CCDC178: variants seen among roughly 807,000 people sequenced by gnomAD.
The protein encoded by CCDC178 is coiled-coil domain-containing protein 178.
A neutral mutation model predicts 117.4 loss-of-function variants in CCDC178; 126 were observed. The observed-to-expected ratio is 1.07, with a 90% CI of 0.93 to 1.24. CCDC178 has a LOEUF of 1.24. CCDC178 is among the 50% of genes most tolerant of loss of function. The pLI is 0.00. For synonymous variants in CCDC178, 283 were observed against 313.4 expected, an observed-to-expected ratio of 0.90 and a Z score of 1.02; for missense variants, 1,030 against 986.9, an observed-to-expected ratio of 1.04 and a Z score of -0.59.
chr18:33,112,614 G>C (rs1057062927), intron 20 of CCDC178, among the ~76,000 whole-genome samples: 2 of 151,912 alleles, frequency 1.3e-5, no homozygotes, highest in Non-Finnish European at 2.9e-5. Context: ...AGCACTAGAA[G>C]AGTCTGCAAC....
chr18:33,350,618 T>C (rs924938946), intron 7 of CCDC178, among the ~76,000 whole-genome samples: 2 of 152,218 alleles, frequency 1.3e-5, no homozygotes, highest in African/African-American at 2.4e-5. Flanking sequence ...TTTCTTTTAA[T>C]GGTGGAATAA....
At chr18:33,055,413 T>C (rs1196443653) in intron 21 of CCDC178, among the ~76,000 whole-genome samples, 2 of 152,102 alleles carry the variant, frequency 1.3e-5, no homozygotes, top group East Asian at 3.9e-4. Flanking sequence ...CATGGCTCAC[T>C]GTAGGCCCAA....
intron 2 of CCDC178, among the ~76,000 whole-genome samples, chr18:33,438,364 T>A (rs1057040609): frequency 3.9e-5 from 6 of 152,168 alleles, no homozygotes; most frequent in Non-Finnish European, 7.4e-5. Context: ...TGAGTCTCTG[T>A]CCAATGCAAG....
At position 33,422,580 on chromosome 18, in the gene CCDC178, C is replaced by T. The variant is rs372206953; in HGVS notation, c.-22-10470G>A. Among the ~76,000 whole-genome samples, 47 of 152,264 alleles carry T rather than the reference C, an allele frequency of 3.1e-4. 1 individual carries two copies. In the South Asian group the frequency reaches 7.7e-3, roughly 25 times the overall value. ...CCACAGTATCACCTGAGATCACTTC[C>T]GATCCCTTGAATATCAATATAACTT... On this transcript the variant is annotated intron_variant, in intron 2 of 22. Coordinates refer to ENST00000383096, the MANE Select transcript of CCDC178 (RefSeq NM_001105528.4).
At chr18:33,038,642 A>G (rs563787514) in intron 21 of CCDC178, among the ~76,000 whole-genome samples, 1 of 152,124 alleles carries the variant, frequency 6.6e-6, no homozygotes, top group African/African-American at 2.4e-5. Flanking sequence ...ATTTACAGAA[A>G]AAATAGCGCA....
intron 2 of CCDC178, among the ~76,000 whole-genome samples, chr18:33,416,557 G>C (rs1400675890): frequency 6.6e-6 from 1 of 152,068 alleles, no homozygotes; most frequent in South Asian, 2.1e-4. Flanking sequence ...TAAATAAACT[G>C]TAGGGATTCA....
intron 9 of CCDC178, among the ~76,000 whole-genome samples, chr18:33,337,232 C>T (rs577858293): frequency 4.0e-5 from 6 of 150,980 alleles, no homozygotes; most frequent in African/African-American, 1.5e-4. Context: ...GATTTGTGTA[C>T]ATTAATTTTT....
intron 21 of CCDC178, among the ~76,000 whole-genome samples, chr18:33,003,121 CTACT>C (rs1197630356): frequency 1.3e-5 from 2 of 152,046 alleles, no homozygotes; most frequent in Non-Finnish European, 2.9e-5. Context: ...AATACCAATC[CTACT>C]TAAACTATTC....
chr18:33,057,095 T>C (rs1419815353), intron 21 of CCDC178, among the ~76,000 whole-genome samples: 2 of 152,064 alleles, frequency 1.3e-5, no homozygotes, highest in African/African-American at 2.4e-5. Context: ...AAAGACATTA[T>C]TTATTCAGTC....
At chr18:33,399,361 GT>G (rs1457273556) in intron 3 of CCDC178, among the ~76,000 whole-genome samples, 5 of 152,268 alleles carry the variant, frequency 3.3e-5, no homozygotes, top group African/African-American at 1.2e-4. Flanking sequence ...GGACAATGAA[GT>G]TTTCCTCATG....
In CCDC178 at chr18:33,357,834, G is replaced by A. The variant is rs562913882; in HGVS notation, c.349-1488C>T. ...ATATGATATATATATATATGTGTAT[G>A]CATGTGTGTGTGTGTGTATACACAC... On this transcript the variant is annotated intron_variant, in intron 6 of 22. Coordinates refer to ENST00000383096, the MANE Select transcript of CCDC178 (RefSeq NM_001105528.4). Among the ~76,000 whole-genome samples the A allele has an allele frequency of 7.6e-4, 17 of 22,408 alleles. No homozygotes were observed. The East Asian group carries it at 0.016, about 20-fold the overall frequency. 14.7% of individuals were successfully genotyped at this position (22,408 alleles called of 152,430 possible).
chr18:33,189,895 G>C (rs2058837862), intron 20 of CCDC178, among the ~76,000 whole-genome samples: 1 of 152,098 alleles, frequency 6.6e-6, no homozygotes, highest in African/African-American at 2.4e-5. Flanking sequence ...TGAAGTGGTA[G>C]CCCTAATCTT....
At chr18:33,127,676 C>T (rs922774125) in intron 20 of CCDC178, among the ~76,000 whole-genome samples, 1 of 152,098 alleles carries the variant, frequency 6.6e-6, no homozygotes, top group Non-Finnish European at 1.5e-5. Context: ...TCTCGTAATC[C>T]ACCTTCCTCG....
At chr18:33,392,007 G>T (rs1568196938) in intron 4 of CCDC178, among the ~76,000 whole-genome samples, 1 of 152,026 alleles carries the variant, frequency 6.6e-6, no homozygotes, top group Non-Finnish European at 1.5e-5. Flanking sequence ...GGGACTACAG[G>T]AGTGCGCCAC....
intron 2 of CCDC178, among the ~76,000 whole-genome samples, chr18:33,437,980 T>C (rs185989275): frequency 5.9e-5 from 9 of 152,312 alleles, no homozygotes; most frequent in Admixed American, 5.2e-4. Context: ...TTTTCTAATA[T>C]AAGGATAAGT....
intron 2 of CCDC178, among the ~76,000 whole-genome samples, chr18:33,415,077 A>G (rs1461775726): frequency 2.0e-5 from 3 of 152,234 alleles, no homozygotes; most frequent in Non-Finnish European, 2.9e-5. Context: ...ATGGGGAGAA[A>G]TAGGAACACT....
intron 21 of CCDC178, among the ~76,000 whole-genome samples, chr18:33,038,104 A>T (rs968617264): frequency 1.3e-5 from 2 of 151,960 alleles, no homozygotes; most frequent in Admixed American, 6.6e-5. Flanking sequence ...CATACATACA[A>T]GCATCAAAGC....
At position 33,403,704 on chromosome 18, in the gene CCDC178, C is replaced by G. The variant is rs574528316; in HGVS notation, c.59-6496G>C. 3.9e-5 allele frequency among the ~76,000 whole-genome samples: 6 copies of G among 152,224 alleles called. No homozygotes were observed. In the South Asian group the frequency reaches 1.2e-3, roughly 32 times the overall value. On this transcript the variant is annotated intron_variant, in intron 3 of 22. Transcript: ENST00000383096. The stretch of plus-strand genomic sequence containing the variant: ...AAGGTTACAATGTAAACTGACACCC[C>G]AAAAACTGGAGGGTCAGGCTAATGC...
intron 11 of CCDC178, among the ~76,000 whole-genome samples, chr18:33,304,951 TG>T (rs1427231546): frequency 6.6e-6 from 1 of 152,220 alleles, no homozygotes; most frequent in Non-Finnish European, 1.5e-5. Flanking sequence ...TCTTCATTTT[TG>T]CTCCCCTTAT....
Sources: gnomAD v4.1 joint callset for allele counts (sites outside exome capture counted in the v4.1 genomes callset) on GRCh38, gnomAD v4.1.1 for gene constraint, MANE v1.5 for transcripts, NCBI Gene and HGNC (gene_info 2026-07-23, HGNC 2026-07-21) for gene names.